ZNF540: variants seen among roughly 807,000 people sequenced by gnomAD.
ZNF540 encodes zinc finger protein 540.
Under a neutral mutation model 11.8 loss-of-function variants are expected in ZNF540, and 3 were observed. That is an observed-to-expected ratio of 0.25 (90% CI 0.12 to 0.65). The LOEUF is 0.65. ZNF540 is among the 30% of genes least tolerant of loss of function. The probability of loss-of-function intolerance (pLI) is 0.83; values close to 1 mark genes in which losing one functional copy is unlikely to be tolerated. For synonymous variants in ZNF540, 247 were observed against 259.0 expected (o/e 0.95, Z 0.45); for missense variants, 709 against 793.1 (o/e 0.89, Z 1.27).
chr19:37,566,343 A>C, intron 1 of ZNF540: 1 of 1,532,104 alleles, frequency 6.5e-7, no homozygotes, highest in Non-Finnish European at 8.7e-7. Context: ...AGGAGAAATA[A>C]AAATTCTATG....
intron 1 of ZNF540, among the ~76,000 whole-genome samples, chr19:37,573,990 G>A (rs1409755315): frequency 6.6e-6 from 1 of 152,070 alleles, no homozygotes; most frequent in South Asian, 2.1e-4. Flanking sequence ...ATTGTCACTA[G>A]TGGCATTAAT....
intron 1 of ZNF540, chr19:37,584,182 GAAGC>G: frequency 6.3e-7 from 1 of 1,590,516 alleles, no homozygotes; most frequent in Non-Finnish European, 8.6e-7. Flanking sequence ...GTAATTGAAG[GAAGC>G]AAGTAACACA....
Position 37,612,919 on chromosome 19 carries a change from G to C in ZNF540, c.1639G>C (p.Gly547Arg). The C allele has an allele frequency of 6.2e-7, 1 of 1,614,058 alleles. No individual in the cohort carries two copies. Among genetic ancestry groups the C allele is most frequent in the Non-Finnish European group, 8.5e-7 (1 of 1,179,988 alleles). The part of the protein sequence containing the change: ...NLKEHLKIHS[G>R]LKPYDCKECG... ...TAAAGAACATCTGAAAATTCATTCTGGTTTAAAACCCTATGACTGTAAAGA... is the reference window on the plus strand; with the variant it reads ...TAAAGAACATCTGAAAATTCATTCTCGTTTAAAACCCTATGACTGTAAAGA... Residue 547 changes from glycine (G) to arginine (R), a missense_variant, in exon 5 of 5, where the codon GGT (glycine) becomes CGT (arginine). Physicochemically the swap from Gly to Arg is moderately radical, Grantham distance 125. Transcript: ENST00000316433.
At chr19:37,581,466 C>CTTTTT (rs1226046583) in intron 1 of ZNF540, among the ~76,000 whole-genome samples, 3 of 138,728 alleles carry the variant, frequency 2.2e-5, no homozygotes, top group Non-Finnish European at 3.1e-5. Flanking sequence ...TTCTTTCTTT[C>CTTTTT]TTTTTTTTTT....
intron 1 of ZNF540, chr19:37,583,966 C>T: frequency 6.3e-7 from 1 of 1,599,202 alleles, no homozygotes. Flanking sequence ...GTAGGATGAT[C>T]TTACCCAATG....
In ZNF540 at chr19:37,612,622, T is replaced by C; in HGVS notation, c.1342T>C (p.Phe448Leu). The C allele has an allele frequency of 3.1e-6, 5 of 1,614,064 alleles. No individual in the cohort carries two copies. The highest frequency in any genetic ancestry group is 4.2e-6 in the Non-Finnish European group (5 of 1,179,998). Residue 448 changes from phenylalanine to leucine, a missense_variant, in exon 5 of 5, where the codon TTT becomes CTT. Coordinates refer to ENST00000316433, the MANE Select transcript of ZNF540 (RefSeq NM_001172225.3). ...TGAATGTAAGGAATGCGGGAAAGCC[T>C]TTATGCTTCGTTCAGTCCTTACTGA... ...PYECKECGKA[F>L]MLRSVLTEHQ... is the part of the protein sequence containing the mutation.
In ZNF540 at chr19:37,608,648, G is replaced by A. The variant is rs1482625108; in HGVS notation, c.233-2865G>A. On this transcript the variant is annotated intron_variant, in intron 4 of 4. Transcript: ENST00000316433. ...GGAAACATAGTAAATAGGCCTTTAG[G>A]AGTGCAGTGATAAGGTTTCCGCAGT... Among the ~76,000 whole-genome samples, 5 of 84,846 alleles carry A rather than the reference G, an allele frequency of 5.9e-5. No homozygotes were observed. The East Asian group carries it at 1.0e-3, about 17-fold the overall frequency. 55.7% of individuals were successfully genotyped at this position (84,846 alleles called of 152,430 possible). A position where few individuals can be genotyped will look rare whatever the true frequency, so the allele number is the denominator to read the frequency against.
intron 1 of ZNF540, among the ~76,000 whole-genome samples, chr19:37,571,565 G>T (rs554239831): frequency 8.3e-4 from 127 of 152,102 alleles, no homozygotes; most frequent in Non-Finnish European, 1.3e-3. Flanking sequence ...CATACACAAG[G>T]TTCCCCAACT....
chr19:37,559,880 C>A (rs554075513), intron 1 of ZNF540, among the ~76,000 whole-genome samples: 2 of 152,170 alleles, frequency 1.3e-5, no homozygotes, highest in African/African-American at 4.8e-5. Flanking sequence ...TATACTGTCA[C>A]CAGACTGAAA....
intron 1 of ZNF540, among the ~76,000 whole-genome samples, chr19:37,559,570 A>G (rs754295403): frequency 1.9e-4 from 29 of 152,214 alleles, no homozygotes. Flanking sequence ...TACCAACAAA[A>G]TATAATGTAC....
At position 37,612,595 on chromosome 19, in the gene ZNF540, T is replaced by C. The variant is rs546850666; in HGVS notation, c.1315T>C (p.Tyr439His). The C allele has an allele frequency of 3.7e-6, 6 of 1,614,112 alleles. No homozygotes were observed. Among genetic ancestry groups the C allele is most frequent in the Admixed American group, 3.3e-5 (2 of 60,016 alleles). ...HSRIHTGEKP[Y>H]ECKECGKAFM... ...TAGAATTCATACTGGAGAGAAACCA[T>C]ATGAATGTAAGGAATGCGGGAAAGC... The change falls in exon 5 of 5, where the codon TAT (tyrosine) becomes CAT (histidine). Residue 439 changes from tyrosine (Y) to histidine (H), a missense_variant. Coordinates refer to ENST00000316433, the MANE Select transcript of ZNF540 (RefSeq NM_001172225.3).
chr19:37,608,714 C>T (rs1211123511), intron 4 of ZNF540, among the ~76,000 whole-genome samples: 1 of 152,158 alleles, frequency 6.6e-6, no homozygotes, highest in Non-Finnish European at 1.5e-5. Context: ...CCTGTGCCAC[C>T]TGATGGACCT....
At chr19:37,564,935 C>G in intron 1 of ZNF540, 1 of 1,613,950 alleles carries the variant, frequency 6.2e-7, no homozygotes, top group South Asian at 1.1e-5. Context: ...GGGCTTTTCA[C>G]CTGTATGAAT....
chr19:37,563,996 C>A (rs2042764291), intron 1 of ZNF540: 1 of 152,046 alleles, frequency 6.6e-6, no homozygotes, highest in African/African-American at 2.4e-5. Flanking sequence ...AAAAACAAAA[C>A]AACAAAAAAC....
chr19:37,561,656 G>A (rs149284355), intron 1 of ZNF540, among the ~76,000 whole-genome samples: 85 of 152,286 alleles, frequency 5.6e-4, no homozygotes, highest in African/African-American at 1.8e-3. Context: ...GGTAGAACCC[G>A]CTCTACGTAT....
chr19:37,568,922 T>C (rs956894244), intron 1 of ZNF540, among the ~76,000 whole-genome samples: 29 of 151,874 alleles, frequency 1.9e-4, no homozygotes, highest in Admixed American at 1.4e-3. Context: ...TGTTACCTTA[T>C]CACCAACACC....
intron 3 of ZNF540, 106 bp downstream of exon 3, chr19:37,599,858 C>G (rs17305228): frequency 0.34 from 431,932 of 1,279,484 alleles, 78,768 homozygotes; most frequent in Non-Finnish European, 0.38. Flanking sequence ...AATTTCTTCT[C>G]TCTTCCTCAA....
chr19:37,570,392 A>G (rs1023820265), intron 1 of ZNF540, among the ~76,000 whole-genome samples: 10 of 151,894 alleles, frequency 6.6e-5, no homozygotes, highest in African/African-American at 2.4e-4. Flanking sequence ...GTTTTCCTTC[A>G]TGTCTTTCCC....
chr19:37,587,760 C>A (rs2043726658), intron 1 of ZNF540, among the ~76,000 whole-genome samples: 1 of 152,064 alleles, frequency 6.6e-6, no homozygotes. Flanking sequence ...AGCCATTGTA[C>A]TAAGATTTTG....
Sources: gnomAD v4.1 joint callset for allele counts (sites outside exome capture counted in the v4.1 genomes callset) on GRCh38, gnomAD v4.1.1 for gene constraint, MANE v1.5 for transcripts, NCBI Gene and HGNC (gene_info 2026-07-23, HGNC 2026-07-21) for gene names.